The following MYCBP2 variants were observed in gnomAD, a reference collection of about 807,000 sequenced individuals.
The protein encoded by MYCBP2 is MYC binding protein 2, also known as E3 ubiquitin-protein ligase MYCBP2.
Under a neutral mutation model 525.3 loss-of-function variants are expected in MYCBP2, and 120 were observed. The ratio of observed to expected loss-of-function variants is 0.23; its 90% CI spans 0.20 to 0.27. MYCBP2 has a LOEUF of 0.27. Ranked by LOEUF, MYCBP2 falls within the 10% of genes least tolerant of loss-of-function variation. The pLI is 1.00. For synonymous variants in MYCBP2, 1,894 were observed against 1,955.8 expected (o/e 0.97, Z 0.83); for missense variants, 4,149 against 5,657.1 (o/e 0.73, Z 8.55).
chr13:77,221,470 T>C (rs1411329136), intron 20 of MYCBP2, among the ~76,000 whole-genome samples: 1 of 152,206 alleles, frequency 6.6e-6, no homozygotes, highest in African/African-American at 2.4e-5. Context: ...CTCATTCTTC[T>C]GAGTGCCAAG....
Position 77,067,814 on chromosome 13 carries a change from CA to C in MYCBP2, c.12221del (p.Leu4074ArgfsTer5). 1 of 1,614,132 alleles carries C rather than the reference CA, an allele frequency of 6.2e-7. No individual in the cohort carries two copies. The highest frequency in any genetic ancestry group is 8.5e-7 in the Non-Finnish European group (1 of 1,179,996). ...GGGATTTCACTCCTATGATGCTGGC[CA>C]GACGACTAGGGGTTACTTCAGGCAA... ...RVLPEVTPSR[L>X]ASIIGVKSLP... is the part of the protein sequence containing the mutation. On this transcript the variant is annotated frameshift_variant, in exon 71 of 83. Transcript: ENST00000544440. LOFTEE classifies it high-confidence loss of function.
chr13:77,267,963 T>A (rs1220056054), intron 7 of MYCBP2, 26 bp from the exon 8 acceptor site: 1 of 1,486,190 alleles, frequency 6.7e-7, no homozygotes, highest in East Asian at 2.3e-5. Flanking sequence ...AATTTTCCTG[T>A]TAAAATATTT....
At position 77,278,892 on chromosome 13, in the gene MYCBP2, C is replaced by A; in HGVS notation, c.614G>T (p.Cys205Phe). The change falls in exon 4 of 83, where the codon TGT (cysteine) becomes TTT (phenylalanine). Residue 205 changes from cysteine to phenylalanine, a missense_variant. Around this residue, in one of 21 missense-constraint regions of MYCBP2, gnomAD observed 413 missense variants for 451.2 expected, o/e 0.92. Transcript: ENST00000544440. The stretch of plus-strand genomic sequence containing the variant: ...CTCTTTGATCAATTCAAAAACTTCA[C>A]AAAGGCCAACCTCAATAATCTATTT... ...KLPKIIEVGL[C>F]EVFELIKETR... 6.3e-7 allele frequency: 1 copy of A among 1,585,432 alleles called. No individual in the cohort carries two copies.
chr13:77,298,477 A>G (rs933069790), intron 1 of MYCBP2, among the ~76,000 whole-genome samples: 1 of 152,084 alleles, frequency 6.6e-6, no homozygotes, highest in Non-Finnish European at 1.5e-5. Flanking sequence ...CTTGTTCACT[A>G]CTCTAGCCTC....
intron 38 of MYCBP2, among the ~76,000 whole-genome samples, chr13:77,170,577 C>CTTT (rs1157749294): frequency 7.2e-6 from 1 of 138,994 alleles, no homozygotes; most frequent in African/African-American, 2.6e-5. Flanking sequence ...GTGGAGGTAA[C>CTTT]TTTTTTTTTT....
intron 1 of MYCBP2, among the ~76,000 whole-genome samples, chr13:77,301,322 A>T (rs2078770907): frequency 6.7e-6 from 1 of 150,026 alleles, no homozygotes; most frequent in Admixed American, 6.7e-5. Context: ...AGGCGGAGGC[A>T]GGAGAATCGC....
In MYCBP2 at chr13:77,273,577, A is replaced by C. The variant is rs760086962; in HGVS notation, c.840T>G (p.Ala280=). 2.5e-6 allele frequency: 4 copies of C among 1,613,878 alleles called. No individual in the cohort carries two copies. In the South Asian group the frequency reaches 4.4e-5, roughly 18 times the overall value. The change falls in exon 5 of 83, where the codon GCT becomes GCG. Residue 280 remains alanine, a synonymous_variant. Transcript: ENST00000544440. ...AAGAAGCCACCAGACTAAAGAGGCAAGCACAGGAAAGTGCTGTTAAGGACT... is the reference window on the plus strand; with the variant it reads ...AAGAAGCCACCAGACTAAAGAGGCACGCACAGGAAAGTGCTGTTAAGGACT... ...TGQSLTALSC[A]CLFSLVASWG...
intron 44 of MYCBP2, among the ~76,000 whole-genome samples, chr13:77,159,870 A>T (rs2057676502): frequency 6.6e-6 from 1 of 152,100 alleles, no homozygotes; most frequent in Non-Finnish European, 1.5e-5. Context: ...TTCACCTAGA[A>T]TGTTGCCTGA....
intron 29 of MYCBP2, among the ~76,000 whole-genome samples, chr13:77,189,667 C>T (rs542757104): frequency 3.7e-4 from 56 of 152,012 alleles, no homozygotes; most frequent in African/African-American, 1.2e-3. Context: ...TTGCAGTAGT[C>T]TAGAAATAAA....
rs543814011 is a variant in MYCBP2 at position 77,293,223 on chromosome 13, G to T, written c.378+3376C>A. On this transcript the variant is annotated intron_variant, in intron 2 of 82. Transcript: ENST00000544440. ...AAGTGAAGTCATGTGCTGGAAGGTA[G>T]AATTTATCAGAGGTTTGAGGAGCAT... Among the ~76,000 whole-genome samples the T allele has an allele frequency of 2.0e-5, 3 of 152,258 alleles. No homozygotes were observed. The South Asian group carries it at 6.2e-4, about 32-fold the overall frequency.
intron 54 of MYCBP2, among the ~76,000 whole-genome samples, chr13:77,122,810 T>C (rs1049519062): frequency 1.3e-5 from 2 of 152,134 alleles, no homozygotes; most frequent in African/African-American, 2.4e-5. Context: ...AGTGGTACTG[T>C]ATAATCTATC....
At chr13:77,321,648 C>T (rs1382145090) in intron 1 of MYCBP2, among the ~76,000 whole-genome samples, 1 of 152,208 alleles carries the variant, frequency 6.6e-6, no homozygotes, top group Admixed American at 6.5e-5. Flanking sequence ...CCTACTGTTA[C>T]CTACATACAA....
At chr13:77,318,238 T>A (rs938162427) in intron 1 of MYCBP2, among the ~76,000 whole-genome samples, 3 of 152,186 alleles carry the variant, frequency 2.0e-5, no homozygotes, top group East Asian at 3.8e-4. Flanking sequence ...GCAGCAGCAG[T>A]TGCTAGATCA....
At chr13:77,265,587 G>T (rs2073952006) in intron 8 of MYCBP2, among the ~76,000 whole-genome samples, 1 of 152,134 alleles carries the variant, frequency 6.6e-6, no homozygotes. Flanking sequence ...GGAACATGAA[G>T]CTCAAGGAAT....
chr13:77,087,861 G>A (rs565683920), intron 61 of MYCBP2: 2 of 343,218 alleles, frequency 5.8e-6, no homozygotes, highest in Admixed American at 8.6e-5. Context: ...GCTCACTGCA[G>A]CCTCAAGCAC....
At position 77,146,229 on chromosome 13, in the gene MYCBP2, A is replaced by G. The variant is rs1285084271; in HGVS notation, c.7132-12T>C. 1 of 1,572,152 alleles carries G rather than the reference A, an allele frequency of 6.4e-7. No individual in the cohort carries two copies. Among genetic ancestry groups the G allele is most frequent in the Non-Finnish European group, 8.7e-7 (1 of 1,154,286 alleles). Reference sequence around the variant, plus strand: ...TAATTTTCATAAACCTTTAAGAAAGAGACCAGTCTGAACAATCGTAAAATC... The same window carrying G: ...TAATTTTCATAAACCTTTAAGAAAGGGACCAGTCTGAACAATCGTAAAATC... On this transcript the variant is annotated splice_polypyrimidine_tract_variant and intron_variant, in intron 47 of 82. Coordinates refer to ENST00000544440, the MANE Select transcript of MYCBP2 (RefSeq NM_015057.5).
At chr13:77,183,778 C>T (rs1423980454) in intron 32 of MYCBP2, among the ~76,000 whole-genome samples, 1 of 151,888 alleles carries the variant, frequency 6.6e-6, no homozygotes, top group Non-Finnish European at 1.5e-5. Context: ...GAACTCCTGA[C>T]CTCAAGTGAT....
At chr13:77,180,509 C>T (rs75398204) in intron 33 of MYCBP2, among the ~76,000 whole-genome samples, 191 bp from the exon 34 acceptor site, 1,800 of 152,298 alleles carry the variant, frequency 0.012, 36 homozygotes, top group African/African-American at 0.04. Flanking sequence ...TCTGTCTCTG[C>T]GTATCAAAGT....
chr13:77,175,037 C>T (rs2059561801), intron 36 of MYCBP2, among the ~76,000 whole-genome samples: 1 of 143,404 alleles, frequency 7.0e-6, no homozygotes, highest in Admixed American at 7.3e-5. Flanking sequence ...TTCAATGTGG[C>T]CTCCTCTTCC....
Sources: allele counts gnomAD v4.1 joint callset (sites outside exome capture counted in the v4.1 genomes callset), GRCh38; gene constraint gnomAD v4.1.1; regional missense constraint gnomAD v4.1.1; transcripts MANE v1.5; gene names NCBI Gene and HGNC (gene_info 2026-07-23, HGNC 2026-07-21).